POLD1: variants seen among roughly 807,000 people sequenced by gnomAD.
POLD1 encodes DNA polymerase delta catalytic subunit.
POLD1 carries 79 observed loss-of-function variants against 129.7 expected under a neutral mutation model. That is an observed-to-expected ratio of 0.61 (90% CI 0.51 to 0.73). The LOEUF (loss-of-function observed/expected upper bound fraction) is 0.73, where lower values mean the gene tolerates loss of function less well. Among genes scored for constraint, POLD1 ranks in the 30% least tolerant of loss-of-function variants. The probability of loss-of-function intolerance (pLI) is 0.00; values close to 1 mark genes in which losing one functional copy is unlikely to be tolerated. For missense variants in POLD1, 1,338 were observed against 1,595.8 expected (o/e 0.84, Z 2.75); for synonymous variants, 714 against 683.3 (o/e 1.04, Z -0.70).
In POLD1 at chr19:50,401,905, C is replaced by G. The variant is rs2038651492; in HGVS notation, c.444C>G (p.Phe148Leu). ...CCHIHGFAPY[F>L]YTPAPPGFGP... is the part of the protein sequence containing the mutation. ...ACATCCACGGCTTCGCTCCCTACTT[C>G]TACACCCCAGCGCCCCCTGGTGAGT... The change falls in exon 4 of 27, where the codon TTC becomes TTG. Residue 148 changes from phenylalanine (F) to leucine (L), a missense_variant. This residue lies in a region of POLD1 where 332 missense variants were observed against 315.7 expected (regional missense o/e 1.05). Coordinates refer to ENST00000440232, the MANE Select transcript of POLD1 (RefSeq NM_002691.4). 2 of 1,614,134 alleles carry G rather than the reference C, an allele frequency of 1.2e-6. No homozygotes were observed. Among genetic ancestry groups the G allele is most frequent in the Middle Eastern group, 1.6e-4 (1 of 6,062 alleles).
At chr19:50,413,331 T>TG in intron 17 of POLD1, 95 bp from the exon 18 acceptor site, 1 of 1,011,448 alleles carries the variant, frequency 9.9e-7, no homozygotes, top group Non-Finnish European at 1.5e-6. Flanking sequence ...CCTATGCCAC[T>TG]GGGAAATGGC....
chr19:50,403,438 G>A (rs1048906954), intron 9 of POLD1, 55 bp from the exon 10 acceptor site: 62 of 1,357,618 alleles, frequency 4.6e-5, no homozygotes, highest in Non-Finnish European at 6.2e-5. Context: ...TCTGGAAGTA[G>A]GGGAATCCGA....
At chr19:50,401,223 T>C (rs2122221184) in intron 3 of POLD1, among the ~76,000 whole-genome samples, 1 of 148,880 alleles carries the variant, frequency 6.7e-6, no homozygotes, top group Non-Finnish European at 1.5e-5. Flanking sequence ...TGGGAGGTGG[T>C]TGAAATATAA....
chr19:50,412,231 C>T (rs928040190), intron 17 of POLD1, among the ~76,000 whole-genome samples: 10 of 152,280 alleles, frequency 6.6e-5, no homozygotes, highest in Non-Finnish European at 1.5e-4. Flanking sequence ...TGGCTCACTG[C>T]GACCTCTCCC....
intron 1 of POLD1, among the ~76,000 whole-genome samples, chr19:50,393,619 T>G (rs1456273893): frequency 6.6e-6 from 1 of 152,152 alleles, no homozygotes; most frequent in Non-Finnish European, 1.5e-5. Flanking sequence ...TGAGCTGAGA[T>G]CATGCCACTG....
chr19:50,397,329 C>T (rs966657438), intron 1 of POLD1, among the ~76,000 whole-genome samples: 8 of 151,118 alleles, frequency 5.3e-5, no homozygotes, highest in East Asian at 3.9e-4. Context: ...AACTGGGTCC[C>T]GGGAAGCGGA....
At chr19:50,415,981 C>T (rs931687690) in intron 22 of POLD1, 155 bp downstream of exon 22, 2 of 613,276 alleles carry the variant, frequency 3.3e-6, no homozygotes, top group African/African-American at 1.9e-5. Context: ...CCTCGGCCCC[C>T]TCTGGAGGTC....
chr19:50,400,522 A>AT (rs1016107364), intron 3 of POLD1, among the ~76,000 whole-genome samples: 1,148 of 63,540 alleles, frequency 0.018, 236 homozygotes, highest in African/African-American at 0.032. Flanking sequence ...TGCCCCGCCT[A>AT]TTTTTTTTTT....
intron 1 of POLD1, among the ~76,000 whole-genome samples, chr19:50,391,426 G>A (rs577995422): frequency 3.3e-4 from 51 of 152,326 alleles, no homozygotes; most frequent in Middle Eastern, 3.4e-3. Flanking sequence ...CTGAGTGAGC[G>A]AGACTCCGTC....
At position 50,417,271 on chromosome 19, in the gene POLD1, T is replaced by C. The variant is rs1568641968; in HGVS notation, c.3218+2T>C. On this transcript the variant is annotated splice_donor_variant, in intron 26 of 26. Coordinates refer to ENST00000440232, the MANE Select transcript of POLD1 (RefSeq NM_002691.4). LOFTEE classifies it high-confidence loss of function. ...GCACGAGGACGTCATCTGCACCAGG[T>C]GTGTGCCATGTCCCGACCCTGGGCT... 3 of 1,584,238 alleles carry C rather than the reference T, an allele frequency of 1.9e-6. No individual in the cohort carries two copies. Among genetic ancestry groups the C allele is most frequent in the Non-Finnish European group, 1.7e-6 (2 of 1,167,744 alleles).
At chr19:50,389,801 G>C (rs780921811) in intron 1 of POLD1, among the ~76,000 whole-genome samples, 3 of 151,310 alleles carry the variant, frequency 2.0e-5, no homozygotes, top group African/African-American at 7.3e-5. Flanking sequence ...GGCCAGGCTG[G>C]TCTCGAACCC....
chr19:50,399,612 C>G (rs1301134013), intron 3 of POLD1, 128 bp downstream of exon 3: 1 of 678,564 alleles, frequency 1.5e-6, no homozygotes, highest in Non-Finnish European at 2.7e-6. Context: ...TCTGGCTCTG[C>G]CCCTCTGGTT....
Position 50,407,334 on chromosome 19 carries a change from A to C in POLD1, c.1694A>C (p.His565Pro), listed in dbSNP as rs1452632059. 9.9e-6 allele frequency: 16 copies of C among 1,612,298 alleles called. No individual in the cohort carries two copies. The highest frequency in any genetic ancestry group is 1.4e-5 in the Non-Finnish European group (16 of 1,179,108). Residue 565 changes from histidine (H) to proline (P), a missense_variant, in exon 14 of 27, where the codon CAC becomes CCC. Physicochemically the swap from His to Pro is moderately conservative, Grantham distance 77. Transcript: ENST00000440232. ...CACCTTCTCCCCTCCCAGGCCATGC[A>C]CGAGGGGCTGCTGATGCCCGTGGTG... ...VVSQLLRQAM[H>P]EGLLMPVVKS...
Position 50,415,580 on chromosome 19 carries a change from C to G in POLD1, c.2707C>G (p.Leu903Val). ...DYAGKQAHVELAERMRKRDPG... is the reference protein window; with the variant it reads ...DYAGKQAHVEVAERMRKRDPG... ...TGCCGGCAAGCAGGCCCACGTGGAGCTGGCCGAGAGGTCCTGCGCGGGGCG... is the reference window on the plus strand; with the variant it reads ...TGCCGGCAAGCAGGCCCACGTGGAGGTGGCCGAGAGGTCCTGCGCGGGGCG... Residue 903 changes from leucine to valine, a missense_variant, in exon 21 of 27, where the codon CTG (leucine) becomes GTG (valine). Leu to Val is a conservative substitution (Grantham distance 32). This residue lies in a region of POLD1 where 720 missense variants were observed against 1,002.6 expected (regional missense o/e 0.72). Coordinates refer to ENST00000440232, the MANE Select transcript of POLD1 (RefSeq NM_002691.4). 2 of 1,611,484 alleles carry G rather than the reference C, an allele frequency of 1.2e-6. No individual in the cohort carries two copies. Among genetic ancestry groups the G allele is most frequent in the Non-Finnish European group, 8.5e-7 (1 of 1,178,838 alleles).
In POLD1 at chr19:50,417,285, C is replaced by A. The variant is rs1469598088; in HGVS notation, c.3218+16C>A. ...TCTGCACCAGGTGTGTGCCATGTCCCGACCCTGGGCTGCCCCGCCCCTTCC... is the reference window on the plus strand; with the variant it reads ...TCTGCACCAGGTGTGTGCCATGTCCAGACCCTGGGCTGCCCCGCCCCTTCC... On this transcript the variant is annotated intron_variant, in intron 26 of 26. Coordinates refer to ENST00000440232, the MANE Select transcript of POLD1 (RefSeq NM_002691.4). 3 of 1,543,452 alleles carry A rather than the reference C, an allele frequency of 1.9e-6. No individual in the cohort carries two copies. The highest frequency in any genetic ancestry group is 2.6e-6 in the Non-Finnish European group (3 of 1,140,128).
chr19:50,401,662 C>A (rs1050894488), intron 3 of POLD1, 116 bp from the exon 4 acceptor site: 6 of 1,109,940 alleles, frequency 5.4e-6, no homozygotes, highest in Non-Finnish European at 6.7e-6. Context: ...ACACAGGGAA[C>A]GGTACAGGGG....
chr19:50,413,801 G>C lies in POLD1; in HGVS notation c.2310G>C (p.Glu770Asp), dbSNP rs1601238697. Residue 770 changes from glutamate (E) to aspartate (D), a missense_variant, in exon 19 of 27, where the codon GAG becomes GAC. Physicochemically the swap from Glu to Asp is conservative, Grantham distance 45. Coordinates refer to ENST00000440232, the MANE Select transcript of POLD1 (RefSeq NM_002691.4). The part of the protein sequence containing the change: ...MCRFGVSSVA[E>D]AMALGREAAD... ...GATTCGGCGTGTCCTCGGTGGCTGA[G>C]GCGATGGCCCTGGGGCGGGAGGCCG... 2 of 1,612,682 alleles carry C rather than the reference G, an allele frequency of 1.2e-6. No homozygotes were observed. Among genetic ancestry groups the C allele is most frequent in the African/African-American group, 1.3e-5 (1 of 75,058 alleles).
At position 50,406,564 on chromosome 19, in the gene POLD1, C is replaced by A; in HGVS notation, c.1494+47C>A. The A allele has an allele frequency of 7.2e-7, 1 of 1,382,072 alleles. No homozygotes were observed. Among genetic ancestry groups the A allele is most frequent in the Non-Finnish European group, 1.0e-6 (1 of 994,378 alleles). The allele number at this position is 1,382,072 out of a possible 1,614,324, so 85.6% of individuals were successfully genotyped here. A position where few individuals can be genotyped will look rare whatever the true frequency, so the allele number is the denominator to read the frequency against. On this transcript the variant is annotated intron_variant, in intron 12 of 26. Transcript: ENST00000440232. The surrounding 1 kb of genome is among the most constrained non-coding windows in gnomAD (Gnocchi z 5.5). The stretch of plus-strand genomic sequence containing the variant: ...TCTCACCCCAACCTCTGACCTCCAC[C>A]TCACCCTTCCCCGGCCTCTGACCTC...
At chr19:50,405,390 C>T (rs1213287532) in intron 10 of POLD1, among the ~76,000 whole-genome samples, 4 of 152,144 alleles carry the variant, frequency 2.6e-5, no homozygotes, top group Non-Finnish European at 4.4e-5. Flanking sequence ...AGATATATTG[C>T]CTTATTTTCC....
Sources: allele counts gnomAD v4.1 joint callset (sites outside exome capture counted in the v4.1 genomes callset), GRCh38; gene constraint gnomAD v4.1.1; regional missense constraint gnomAD v4.1.1; non-coding constraint Gnocchi (gnomAD v3.1); transcripts MANE v1.5; gene names NCBI Gene and HGNC (gene_info 2026-07-23, HGNC 2026-07-21).